ORC1: variants seen among roughly 807,000 people sequenced by gnomAD.
The protein encoded by ORC1 is origin recognition complex, subunit 1 homolog.
ORC1 carries 61 observed loss-of-function variants against 98.9 expected under a neutral mutation model. The ratio of observed to expected loss-of-function variants is 0.62; its 90% CI spans 0.50 to 0.76. The LOEUF (loss-of-function observed/expected upper bound fraction) is 0.76, where lower values mean the gene tolerates loss of function less well. Among genes scored for constraint, ORC1 ranks in the 30% least tolerant of loss-of-function variants. ORC1 has a pLI of 0.00. For missense variants in ORC1, 979 were observed against 1,072.2 expected (o/e 0.91, Z 1.21); for synonymous variants, 385 against 406.9 (o/e 0.95, Z 0.65).
intron 7 of ORC1, 149 bp downstream of exon 7, chr1:52,389,068 T>C: frequency 1.4e-6 from 1 of 719,110 alleles, no homozygotes; most frequent in Non-Finnish European, 2.5e-6. Flanking sequence ...AAGACAATTA[T>C]TTGAAACTTA....
chr1:52,407,744 A>T (rs1269249291), upstream of ORC1, among the ~76,000 whole-genome samples: 1 of 152,170 alleles, frequency 6.6e-6, no homozygotes, highest in Non-Finnish European at 1.5e-5. Flanking sequence ...AACATGGGGA[A>T]ACCCCGTCTC....
chr1:52,384,199 A>G (rs1647110973), intron 11 of ORC1, among the ~76,000 whole-genome samples: 1 of 152,240 alleles, frequency 6.6e-6, no homozygotes, highest in Admixed American at 6.5e-5. Context: ...ACAGAATTCT[A>G]TAACTGGATG....
chr1:52,378,321 G>A (rs561634198), intron 14 of ORC1, among the ~76,000 whole-genome samples: 3 of 150,518 alleles, frequency 2.0e-5, no homozygotes, highest in African/African-American at 7.4e-5. Flanking sequence ...CTCCAGCCTG[G>A]GCAACAGAGT....
chr1:52,387,786 C>T (rs79993314), intron 8 of ORC1, among the ~76,000 whole-genome samples: 2,429 of 152,280 alleles, frequency 0.016, 34 homozygotes, highest in Non-Finnish European at 0.025. Context: ...CAACCCAAGC[C>T]AAATCACATC....
At chr1:52,380,426 T>C (rs1283768693) in intron 14 of ORC1, among the ~76,000 whole-genome samples, 1 of 152,228 alleles carries the variant, frequency 6.6e-6, no homozygotes, top group African/African-American at 2.4e-5. Context: ...CCGAGCGCAG[T>C]GGCTTGCTCC....
rs920571048 is a variant in ORC1 at position 52,374,809 on chromosome 1, C to T, written c.2391+1G>A. On this transcript the variant is annotated splice_donor_variant, in intron 16 of 16. Coordinates refer to ENST00000371568, the MANE Select transcript of ORC1 (RefSeq NM_004153.4). LOFTEE classifies it high-confidence loss of function. ...AGGATTTGAAAAGAGGAGGAGATCA[C>T]CTGTTGAAACGTGGCTTCCTCCAGT... 1 of 1,603,038 alleles carries T rather than the reference C, an allele frequency of 6.2e-7. No individual in the cohort carries two copies. Among genetic ancestry groups the T allele is most frequent in the African/African-American group, 1.3e-5 (1 of 74,678 alleles).
At position 52,385,840 on chromosome 1, in the gene ORC1, C is replaced by T. The variant is rs1482504356; in HGVS notation, c.1481+12G>A. ...TCCTGCCTCTCTGAAGGGGAATCAA[C>T]AGCAGCAGTACCTCAGTCGGGCTTC... On this transcript the variant is annotated intron_variant, in intron 9 of 16. Coordinates refer to ENST00000371568, the MANE Select transcript of ORC1 (RefSeq NM_004153.4). The T allele has an allele frequency of 1.3e-6, 2 of 1,597,154 alleles. No individual in the cohort carries two copies. The highest frequency in any genetic ancestry group is 1.7e-6 in the Non-Finnish European group (2 of 1,164,718).
At chr1:52,399,467 A>G (rs1057392619) in intron 3 of ORC1, among the ~76,000 whole-genome samples, 3 of 152,170 alleles carry the variant, frequency 2.0e-5, no homozygotes, top group East Asian at 3.9e-4. Flanking sequence ...TACTAAAAAT[A>G]CAAAAAATTA....
At chr1:52,389,486 C>A (rs1023743613) in intron 6 of ORC1, among the ~76,000 whole-genome samples, 165 bp from the exon 7 acceptor site, 2 of 152,006 alleles carry the variant, frequency 1.3e-5, no homozygotes, top group African/African-American at 4.8e-5. Context: ...AAAATTATAA[C>A]TAAAAAGTTA....
rs1646958724 is a variant in ORC1 at position 52,373,361 on chromosome 1, A to G, written c.2406T>C (p.His802=). The G allele has an allele frequency of 6.2e-7, 1 of 1,613,850 alleles. No homozygotes were observed. Among genetic ancestry groups the G allele is most frequent in the South Asian group, 1.1e-5 (1 of 91,086 alleles). Residue 802 remains histidine (H), a synonymous_variant, in exon 17 of 17, where the codon CAT becomes CAC. Transcript: ENST00000371568. Reference sequence around the variant, plus strand: ...GTCCCTCCATTCTGCACAGTGCCACATGTTGACTATATATCTAGACACAAA... The same window carrying G: ...GTCCCTCCATTCTGCACAGTGCCACGTGTTGACTATATATCTAGACACAAA... The part of the protein sequence containing the change: ...EATFQQIYSQ[H]VALCRMEGLP...
chr1:52,399,362 C>T (rs1453276261), intron 3 of ORC1, among the ~76,000 whole-genome samples: 1 of 151,968 alleles, frequency 6.6e-6, no homozygotes, highest in Non-Finnish European at 1.5e-5. Context: ...CGGCGGCTCA[C>T]GCCTGTAATC....
upstream of ORC1, chr1:52,404,636 T>G (rs946757729): frequency 1.6e-6 from 2 of 1,217,682 alleles, no homozygotes; most frequent in African/African-American, 3.0e-5. Flanking sequence ...GATGGTCGCC[T>G]AAGCTGTTTA....
chr1:52,380,973 G>C (rs769790127), intron 14 of ORC1, among the ~76,000 whole-genome samples: 1 of 152,236 alleles, frequency 6.6e-6, no homozygotes, highest in East Asian at 1.9e-4. Context: ...AGAGTGTGTC[G>C]GCAAGAGGAA....
At chr1:52,405,160 C>T (rs1293391304), upstream of ORC1, among the ~76,000 whole-genome samples, 2 of 152,194 alleles carry the variant, frequency 1.3e-5, no homozygotes, top group Admixed American at 6.5e-5. Flanking sequence ...GTGTTAAGCT[C>T]AGGGATCCGG....
chr1:52,404,929 T>C (rs373100513), upstream of ORC1: 47 of 1,600,370 alleles, frequency 2.9e-5, no homozygotes, highest in Middle Eastern at 1.7e-3. Context: ...GGCCCATTTC[T>C]CCTGACCGAG....
chr1:52,401,999 C>A, intron 2 of ORC1, 130 bp downstream of exon 2: 1 of 777,124 alleles, frequency 1.3e-6, no homozygotes. Flanking sequence ...ACAAAACCCT[C>A]CTTACAATCA....
At chr1:52,400,041 G>A (rs1647629817) in intron 3 of ORC1, among the ~76,000 whole-genome samples, 1 of 152,206 alleles carries the variant, frequency 6.6e-6, no homozygotes, top group South Asian at 2.1e-4. Flanking sequence ...GGAGCACCAA[G>A]AGAGGATTCT....
chr1:52,388,447 T>G lies in ORC1; in HGVS notation c.1378A>C (p.Lys460Gln). The G allele has an allele frequency of 6.2e-7, 1 of 1,613,748 alleles. No individual in the cohort carries two copies. The highest frequency in any genetic ancestry group is 8.5e-7 in the Non-Finnish European group (1 of 1,179,680). ...SLHTLTKVPK[K>Q]SLKPRTPRCA... ...TAAACCTAGAAGAACCTTACACTCT[T>G]CTTTGGCACCTTCGTGAGGGTATGT... is the stretch of plus-strand genomic sequence containing the variant. The change falls in exon 8 of 17, where the codon AAG (lysine) becomes CAG (glutamine). Residue 460 changes from lysine (K) to glutamine (Q), a missense_variant. By Grantham distance (53) the Lys-to-Gln change is moderately conservative. Transcript: ENST00000371568.
chr1:52,383,430 G>C lies in ORC1; in HGVS notation c.2003C>G (p.Ser668Cys). The change falls in exon 13 of 17, where the codon TCC (serine) becomes TGC (cysteine). Residue 668 changes from serine (S) to cysteine (C), a missense_variant. Ser to Cys is a moderately radical substitution (Grantham distance 112). Transcript: ENST00000371568. Reference sequence around the variant, plus strand: ...TGCCCTAGAACCTACCAGTCGGCTGGACACCCGGTTCATCATGATTCGCTC... The same window carrying C: ...TGCCCTAGAACCTACCAGTCGGCTGCACACCCGGTTCATCATGATTCGCTC... The part of the protein sequence containing the change: ...LPERIMMNRV[S>C]SRLGLTRMCF... The C allele has an allele frequency of 6.2e-7, 1 of 1,612,600 alleles. No homozygotes were observed. The highest frequency in any genetic ancestry group is 8.5e-7 in the Non-Finnish European group (1 of 1,180,032).
Sources: gnomAD v4.1 joint callset for allele counts (sites outside exome capture counted in the v4.1 genomes callset) on GRCh38, gnomAD v4.1.1 for gene constraint, MANE v1.5 for transcripts, NCBI Gene and HGNC (gene_info 2026-07-23, HGNC 2026-07-21) for gene names.